Variants in MIPOL1 observed in about 807,000 individuals in gnomAD.
The protein encoded by MIPOL1 is mirror-image polydactyly gene 1 protein.
A neutral mutation model predicts 60.9 loss-of-function variants in MIPOL1; 57 were observed. The ratio of observed to expected loss-of-function variants is 0.94; its 90% CI spans 0.76 to 1.17. The LOEUF (loss-of-function observed/expected upper bound fraction) is 1.17. Ranked by LOEUF, MIPOL1 falls within the 50% of genes most tolerant of loss-of-function variation. The pLI is 0.00. For synonymous variants in MIPOL1, 179 were observed against 168.8 expected (o/e 1.06, Z -0.47); for missense variants, 551 against 511.6 (o/e 1.08, Z -0.74).
At chr14:37,298,231 G>T (rs1268771604) in intron 7 of MIPOL1, among the ~76,000 whole-genome samples, 2 of 152,164 alleles carry the variant, frequency 1.3e-5, no homozygotes, top group East Asian at 3.9e-4. Context: ...ATGGTGCTGG[G>T]AAAACTGGTT....
At chr14:37,204,334 A>C (rs1011122632) in intron 1 of MIPOL1, among the ~76,000 whole-genome samples, 1 of 152,076 alleles carries the variant, frequency 6.6e-6, no homozygotes, top group African/African-American at 2.4e-5. Context: ...GCAAATGTGT[A>C]TTGTTTTAAG....
chr14:37,378,348 A>C (rs141127839), intron 10 of MIPOL1, among the ~76,000 whole-genome samples: 1 of 152,056 alleles, frequency 6.6e-6, no homozygotes, highest in Admixed American at 6.6e-5. Context: ...AATAAAAGGA[A>C]ACAACCTATT....
In MIPOL1 at chr14:37,520,263, T is replaced by A. The variant is rs181651178; in HGVS notation, c.1262+20125T>A. On this transcript the variant is annotated intron_variant, in intron 12 of 12. Coordinates refer to ENST00000684589, the MANE Select transcript of MIPOL1 (RefSeq NM_001388067.1). The stretch of plus-strand genomic sequence containing the variant: ...TCTTTTGAATTAAACTTGAGTAAGG[T>A]TGATTTGTATTCCCTGTTAATCAAA... 1.6e-4 allele frequency among the ~76,000 whole-genome samples: 24 copies of A among 152,280 alleles called. No homozygotes were observed. The East Asian group carries it at 3.7e-3, about 23-fold the overall frequency.
At chr14:37,363,994 ACAGTATT>A (rs2092380976) in intron 9 of MIPOL1, among the ~76,000 whole-genome samples, 1 of 152,130 alleles carries the variant, frequency 6.6e-6, no homozygotes, top group African/African-American at 2.4e-5. Flanking sequence ...TGGGAAAAGC[ACAGTATT>A]TGGGCCGGAA....
At chr14:37,290,840 T>C (rs1460217110) in intron 7 of MIPOL1, among the ~76,000 whole-genome samples, 2 of 152,186 alleles carry the variant, frequency 1.3e-5, no homozygotes, top group Admixed American at 1.3e-4. Flanking sequence ...ATTAGTTATT[T>C]TTCCTGATCC....
intron 6 of MIPOL1, among the ~76,000 whole-genome samples, chr14:37,271,092 A>G (rs1416809020): frequency 1.3e-5 from 2 of 152,070 alleles, no homozygotes; most frequent in Non-Finnish European, 2.9e-5. Flanking sequence ...CCTTAAATAT[A>G]TTCTGGAGTC....
In MIPOL1 at chr14:37,546,972, T is replaced by C. The variant is rs1453885873; in HGVS notation, c.*1T>C. ...CGGGACCATGAGGACAGTGATCTGA[T>C]TGAAAAAAAACGACAGTCTGGGGAA... On this transcript the variant is annotated 3_prime_UTR_variant, in exon 13 of 13. Transcript: ENST00000684589. The C allele has an allele frequency of 2.5e-6, 4 of 1,611,476 alleles. No homozygotes were observed. The highest frequency in any genetic ancestry group is 2.2e-5 in the East Asian group (1 of 44,852).
chr14:37,482,998 A>G (rs2094893885), intron 11 of MIPOL1, among the ~76,000 whole-genome samples: 2 of 152,026 alleles, frequency 1.3e-5, no homozygotes, highest in East Asian at 3.9e-4. Context: ...TATACCTTAA[A>G]TCATCTCTAG....
chr14:37,211,278 AG>A (rs1373699409), intron 1 of MIPOL1, among the ~76,000 whole-genome samples: 1 of 151,744 alleles, frequency 6.6e-6, no homozygotes, highest in Non-Finnish European at 1.5e-5. Flanking sequence ...GAGCACACAT[AG>A]TACCTGGTTT....
chr14:37,390,064 A>C (rs1566501499), intron 10 of MIPOL1, among the ~76,000 whole-genome samples: 1 of 151,876 alleles, frequency 6.6e-6, no homozygotes, highest in Non-Finnish European at 1.5e-5. Context: ...GTATATATAC[A>C]AAAAATTAGC....
rs769113789 is a variant in MIPOL1 at position 37,422,937 on chromosome 14, G to A, written c.1019G>A (p.Arg340Gln). 2 of 1,600,398 alleles carry A rather than the reference G, an allele frequency of 1.2e-6. No individual in the cohort carries two copies. The highest frequency in any genetic ancestry group is 1.7e-6 in the Non-Finnish European group (2 of 1,171,190). The change falls in exon 11 of 13, where the codon CGA (arginine) becomes CAA (glutamine). Residue 340 changes from arginine to glutamine, a missense_variant. Transcript: ENST00000684589. ...CTGGAAGAGGAAATCCAGACCCTTC[G>A]AGTTTACTACAGGTAAAATTCTTTT... ...KKLEEEIQTL[R>Q]VYYSLHKSLS...
intron 12 of MIPOL1, among the ~76,000 whole-genome samples, chr14:37,532,760 A>G (rs959044311): frequency 1.3e-5 from 2 of 152,178 alleles, no homozygotes; most frequent in Non-Finnish European, 2.9e-5. Flanking sequence ...AGAAATACCT[A>G]TTTTGAGTAA....
intron 11 of MIPOL1, among the ~76,000 whole-genome samples, chr14:37,474,449 A>T (rs570988232): frequency 6.6e-6 from 1 of 152,152 alleles, no homozygotes; most frequent in African/African-American, 2.4e-5. Context: ...GTGATAGTGA[A>T]TAAGTCTCAT....
chr14:37,247,577 C>G (rs1382956276), intron 2 of MIPOL1, among the ~76,000 whole-genome samples: 4 of 152,050 alleles, frequency 2.6e-5, no homozygotes, highest in African/African-American at 9.7e-5. Context: ...AAATGGTTCT[C>G]TACCCAAATC....
intron 7 of MIPOL1, among the ~76,000 whole-genome samples, chr14:37,305,252 G>C (rs2086682644): frequency 1.3e-5 from 2 of 151,782 alleles, no homozygotes; most frequent in Admixed American, 1.3e-4. Flanking sequence ...GATATTGAAT[G>C]ATCTAGCTTA....
At chr14:37,327,900 G>C (rs140432372) in intron 9 of MIPOL1, among the ~76,000 whole-genome samples, 1 of 152,170 alleles carries the variant, frequency 6.6e-6, no homozygotes, top group African/African-American at 2.4e-5. Context: ...TACAGTACTC[G>C]TGGACATTGT....
chr14:37,369,843 G>T, intron 10 of MIPOL1: 2 of 282,708 alleles, frequency 7.1e-6, no homozygotes, highest in Non-Finnish European at 1.3e-5. Context: ...AATTTTGAGT[G>T]GTGGTATATT....
chr14:37,423,001 G>T (rs754583032), intron 11 of MIPOL1, 52 bp downstream of exon 11: 4 of 1,131,008 alleles, frequency 3.5e-6, no homozygotes, highest in Non-Finnish European at 2.6e-6. Flanking sequence ...TTTGGGAAAT[G>T]TTTCTACCTG....
intron 9 of MIPOL1, among the ~76,000 whole-genome samples, chr14:37,333,011 A>G (rs1449024525): frequency 1.3e-5 from 2 of 152,218 alleles, no homozygotes; most frequent in African/African-American, 4.8e-5. Context: ...GCAGGTGGTT[A>G]TGAAATTATT....
Sources: allele counts gnomAD v4.1 joint callset (sites outside exome capture counted in the v4.1 genomes callset), GRCh38; gene constraint gnomAD v4.1.1; transcripts MANE v1.5; gene names NCBI Gene and HGNC (gene_info 2026-07-23, HGNC 2026-07-21).